Variants in EXOC2 observed in about 807,000 individuals in gnomAD.
EXOC2 encodes the protein SEC5-like 1.
A neutral mutation model predicts 131.8 loss-of-function variants in EXOC2; 70 were observed. That is an observed-to-expected ratio of 0.53 (90% CI 0.44 to 0.65). The LOEUF is 0.65. Among genes scored for constraint, EXOC2 ranks in the 30% least tolerant of loss-of-function variants. EXOC2 has a pLI of 0.00. For synonymous variants in EXOC2, 411 were observed against 398.4 expected (o/e 1.03, Z -0.38); for missense variants, 923 against 1,108.6 (o/e 0.83, Z 2.38).
At chr6:531,009 C>T (rs539159673) in intron 23 of EXOC2, among the ~76,000 whole-genome samples, 3 of 152,276 alleles carry the variant, frequency 2.0e-5, no homozygotes, top group East Asian at 3.9e-4. Flanking sequence ...AATATGACAC[C>T]ATTTCACACT....
At chr6:499,789 G>T in intron 23 of EXOC2, 89 bp from the exon 24 acceptor site, 2 of 992,758 alleles carry the variant, frequency 2.0e-6, no homozygotes, top group Non-Finnish European at 3.1e-6. Flanking sequence ...ATGCTTTAGA[G>T]TTTTCTGAGG....
chr6:539,523 A>G (rs1766681136), intron 22 of EXOC2, among the ~76,000 whole-genome samples: 4 of 152,226 alleles, frequency 2.6e-5, no homozygotes, highest in African/African-American at 9.6e-5. Context: ...CCCAATGGAC[A>G]GTCCTGGAGA....
chr6:610,926 C>T (rs893776892), intron 6 of EXOC2, among the ~76,000 whole-genome samples: 1 of 152,170 alleles, frequency 6.6e-6, no homozygotes, highest in African/African-American at 2.4e-5. Context: ...TGGGGAAGAA[C>T]CCAGCTACTG....
intron 1 of EXOC2, among the ~76,000 whole-genome samples, chr6:642,990 A>C (rs1762423551): frequency 6.6e-6 from 1 of 152,184 alleles, no homozygotes; most frequent in Admixed American, 6.5e-5. Context: ...AAGTTCTTCA[A>C]TCTGAAGGGG....
intron 4 of EXOC2, among the ~76,000 whole-genome samples, chr6:620,126 C>T (rs1205865019): frequency 6.6e-6 from 1 of 152,214 alleles, no homozygotes; most frequent in Non-Finnish European, 1.5e-5. Flanking sequence ...GCTGCTCCCT[C>T]ATCTTGCCTA....
intron 1 of EXOC2, among the ~76,000 whole-genome samples, chr6:653,348 A>G (rs1762917594): frequency 1.3e-5 from 2 of 152,270 alleles, no homozygotes; most frequent in Admixed American, 1.3e-4. Context: ...CAATTGGCCA[A>G]GCTGTGAATG....
chr6:606,377 T>C (rs1049910838), intron 7 of EXOC2, among the ~76,000 whole-genome samples: 1 of 152,052 alleles, frequency 6.6e-6, no homozygotes, highest in African/African-American at 2.4e-5. Context: ...GTAACAAACC[T>C]GCACGTTGTG....
At chr6:558,539 C>T (rs372237572) in intron 17 of EXOC2, among the ~76,000 whole-genome samples, 117 of 152,108 alleles carry the variant, frequency 7.7e-4, no homozygotes, top group Non-Finnish European at 1.3e-3. Flanking sequence ...TGGCCAGGTG[C>T]GATGGCTCAC....
intron 21 of EXOC2, among the ~76,000 whole-genome samples, chr6:552,206 G>T (rs887556363): frequency 2.0e-5 from 3 of 152,194 alleles, no homozygotes; most frequent in African/African-American, 7.2e-5. Context: ...ACCCTCCCAT[G>T]AAGTCCACAC....
In EXOC2 at chr6:576,713, G is replaced by A. The variant is rs374244379; in HGVS notation, c.1318+44C>T. On this transcript the variant is annotated intron_variant, in intron 12 of 27. Transcript: ENST00000230449. ...GAGAAGAATGTTTGAAATTACACGA[G>A]TACAAATTTAAAAGACCCAGTGGCA... 720 of 1,601,358 alleles carry A rather than the reference G, an allele frequency of 4.5e-4. 2 individuals carry two copies. The highest frequency in any genetic ancestry group is 1.0e-3 in the South Asian group (90 of 89,076).
chr6:607,253 C>T (rs1760469142), intron 7 of EXOC2, among the ~76,000 whole-genome samples: 1 of 152,214 alleles, frequency 6.6e-6, no homozygotes, highest in South Asian at 2.1e-4. Flanking sequence ...GGCCTGCCTG[C>T]AGTTCAAAGC....
intron 22 of EXOC2, among the ~76,000 whole-genome samples, chr6:544,520 T>C (rs1756729144): frequency 6.6e-6 from 1 of 152,184 alleles, no homozygotes; most frequent in African/African-American, 2.4e-5. Flanking sequence ...ATTTATTATA[T>C]AAAATAGCCT....
At chr6:531,755 G>A (rs181081171) in intron 23 of EXOC2, among the ~76,000 whole-genome samples, 81 of 152,296 alleles carry the variant, frequency 5.3e-4, no homozygotes, top group African/African-American at 1.8e-3. Context: ...ACCCGTGTCC[G>A]ATACCAGCAT....
At chr6:497,008 C>T (rs551718652) in intron 25 of EXOC2, among the ~76,000 whole-genome samples, 2 of 152,292 alleles carry the variant, frequency 1.3e-5, no homozygotes, top group South Asian at 4.1e-4. Context: ...TCTATGCAAA[C>T]TGCACTGAAT....
At chr6:592,185 G>A (rs748323379) in intron 11 of EXOC2, among the ~76,000 whole-genome samples, 12 of 152,074 alleles carry the variant, frequency 7.9e-5, no homozygotes, top group African/African-American at 1.2e-4. Context: ...ACGATGTGCA[G>A]ACTGATAGTT....
chr6:592,945 G>A (rs1432055796), intron 10 of EXOC2, among the ~76,000 whole-genome samples: 1 of 152,104 alleles, frequency 6.6e-6, no homozygotes, highest in Non-Finnish European at 1.5e-5. Flanking sequence ...CAGGAGAATC[G>A]CTTGAACCCG....
rs887328675 is a variant in EXOC2 at position 517,262 on chromosome 6, A to G, written c.2380+15207T>C. Among the ~76,000 whole-genome samples the G allele has an allele frequency of 1.2e-4, 18 of 152,258 alleles. No individual in the cohort carries two copies. In the East Asian group the frequency reaches 3.1e-3, roughly 26 times the overall value. On this transcript the variant is annotated intron_variant, in intron 23 of 27. Coordinates refer to ENST00000230449, the MANE Select transcript of EXOC2 (RefSeq NM_018303.6). ...AAGGAAACCAGCATGAGTGTGGAAC[A>G]TGGCACCCTATGGCGAGGCTGTACT...
In EXOC2 at chr6:630,030, T is replaced by C. The variant is rs574726374; in HGVS notation, c.296-69A>G. 7.2e-4 allele frequency: 1,128 copies of C among 1,560,002 alleles called. 1 individual carries two copies. Among genetic ancestry groups the C allele is most frequent in the Non-Finnish European group, 9.1e-4 (1,054 of 1,153,152 alleles). ...CCAGGCACCTTCTACGTCTGGCCTA[T>C]TGTCTGACTTCTTAAAGACCTAATA... On this transcript the variant is annotated intron_variant, in intron 3 of 27. Transcript: ENST00000230449.
intron 11 of EXOC2, among the ~76,000 whole-genome samples, chr6:578,131 T>C (rs906216577): frequency 3.9e-5 from 6 of 152,170 alleles, no homozygotes; most frequent in Non-Finnish European, 8.8e-5. Flanking sequence ...TCCCACCACA[T>C]GTAGTAAGTG....
Sources: gnomAD v4.1 joint callset for allele counts (sites outside exome capture counted in the v4.1 genomes callset) on GRCh38, gnomAD v4.1.1 for gene constraint, MANE v1.5 for transcripts, NCBI Gene and HGNC (gene_info 2026-07-23, HGNC 2026-07-21) for gene names.